SCTR: variants seen among roughly 807,000 people sequenced by gnomAD.
The protein encoded by SCTR is pancreatic secretin receptor.
In SCTR, 56 loss-of-function variants were observed where a neutral mutation model predicts 60.8. That is an observed-to-expected ratio of 0.92 (90% CI 0.74 to 1.15). The LOEUF is 1.15. SCTR is among the 50% of genes most tolerant of loss of function. SCTR has a pLI of 0.00. For missense variants in SCTR, 562 were observed against 550.4 expected (o/e 1.02, Z -0.21); for synonymous variants, 202 against 217.0 (o/e 0.93, Z 0.61).
chr2:119,464,153 TGAG>T lies in SCTR; in HGVS notation c.603_605del (p.Ser202del). 1 of 1,614,188 alleles carries T rather than the reference TGAG, an allele frequency of 6.2e-7. No individual in the cohort carries two copies. The highest frequency in any genetic ancestry group is 1.3e-5 in the African/African-American group (1 of 75,046). On this transcript the variant is annotated inframe_deletion, in exon 6 of 13. Coordinates refer to ENST00000019103, the MANE Select transcript of SCTR (RefSeq NM_002980.3). ...GGGCATCGCAGTAGGTGACATCATC[TGAG>T]GAGAAGAGCACGGCGTCCTTGATGA... is the stretch of plus-strand genomic sequence containing the variant.
At chr2:119,457,263 T>C (rs986336521) in intron 7 of SCTR, among the ~76,000 whole-genome samples, 1 of 151,676 alleles carries the variant, frequency 6.6e-6, no homozygotes, top group South Asian at 2.1e-4. Flanking sequence ...TCCAGGAAAA[T>C]AAAAAGTTAA....
rs147612264 is a variant in SCTR, at chr2:119,473,474, G to C, written c.384C>G (p.Asn128Lys). The C allele has an allele frequency of 1.2e-6, 2 of 1,613,046 alleles. No homozygotes were observed. Among genetic ancestry groups the C allele is most frequent in the Admixed American group, 1.7e-5 (1 of 59,986 alleles). The change falls in exon 4 of 13, where the codon AAC (asparagine) becomes AAG (lysine). Residue 128 changes from asparagine to lysine, a missense_variant. Transcript: ENST00000019103. Reference protein sequence around the residue: ...RPNLACGVNVNDSSNEKRHSY... With the variant: ...RPNLACGVNVKDSSNEKRHSY... ...TTACCCGCTTCTCGTTGGAAGAGTC[G>C]TTCACATTAACGCCACAGGCCAGAT...
At chr2:119,518,195 G>A (rs889985304) in intron 1 of SCTR, among the ~76,000 whole-genome samples, 2 of 152,170 alleles carry the variant, frequency 1.3e-5, no homozygotes, top group Non-Finnish European at 2.9e-5. Context: ...CAAGTCTGTG[G>A]TATTTTGTTA....
chr2:119,464,032 G>C lies in SCTR; in HGVS notation c.636+91C>G. 5 of 1,384,970 alleles carry C rather than the reference G, an allele frequency of 3.6e-6. No individual in the cohort carries two copies. In the Middle Eastern group the frequency reaches 7.3e-4, roughly 202 times the overall value. The allele number at this position is 1,384,970 out of a possible 1,614,324, so 85.8% of individuals were successfully genotyped here. ...AAGTGCAGCCTCAGCAGGGGCTTGG[G>C]GGAAGGACAACTAGGCTACTCCCCT... On this transcript the variant is annotated intron_variant, in intron 6 of 12. Coordinates refer to ENST00000019103, the MANE Select transcript of SCTR (RefSeq NM_002980.3).
rs767291199 is a variant in SCTR, at chr2:119,465,854, G to C, written c.438C>G (p.Tyr146Ter). Residue 146 changes from tyrosine (Y) to a stop codon, truncating the protein, a stop_gained, in exon 5 of 13, where the codon TAC becomes TAG. Transcript: ENST00000019103. LOFTEE classifies it high-confidence loss of function. ...CCAGGGAGGAGCTGTAGCCCACGGT[G>C]TACATGACTTTCAGCTTCAGCAGGT... Reference protein sequence around the residue: ...HSYLLKLKVMYTVGYSSSLVM... With the variant: ...HSYLLKLKVM The C allele has an allele frequency of 1.3e-5, 21 of 1,613,904 alleles. No homozygotes were observed. In the Admixed American group the frequency reaches 3.0e-4, roughly 23 times the overall value.
chr2:119,467,303 C>T (rs1010800363), intron 4 of SCTR, among the ~76,000 whole-genome samples: 1 of 151,394 alleles, frequency 6.6e-6, no homozygotes, highest in Admixed American at 6.6e-5. Flanking sequence ...CGCTTGAACC[C>T]GGGAGGTGGG....
At chr2:119,493,013 A>T (rs1364546760) in intron 2 of SCTR, among the ~76,000 whole-genome samples, 2 of 152,054 alleles carry the variant, frequency 1.3e-5, no homozygotes, top group Non-Finnish European at 1.5e-5. Context: ...GCCCACCACC[A>T]TGCTGGCTAA....
intron 10 of SCTR, among the ~76,000 whole-genome samples, chr2:119,447,300 T>G (rs1183570765): frequency 2.6e-5 from 4 of 152,184 alleles, no homozygotes; most frequent in Non-Finnish European, 4.4e-5. Flanking sequence ...AGATTAGGGT[T>G]GCCAAACTTA....
chr2:119,508,412 A>G, intron 1 of SCTR, among the ~76,000 whole-genome samples: 1 of 83,798 alleles, frequency 1.2e-5, no homozygotes, highest in Non-Finnish European at 2.2e-5. Flanking sequence ...TTTTTTTGGC[A>G]ATCTCGCTCT....
At chr2:119,517,547 G>A (rs1035328249) in intron 1 of SCTR, among the ~76,000 whole-genome samples, 14 of 152,200 alleles carry the variant, frequency 9.2e-5, no homozygotes, top group Non-Finnish European at 1.5e-4. Flanking sequence ...GGTTTCTGTG[G>A]GTGGAGCGTG....
At chr2:119,507,663 C>CTTTTTTTTTTTTTT (rs751779879) in intron 1 of SCTR, among the ~76,000 whole-genome samples, 6 of 114,784 alleles carry the variant, frequency 5.2e-5, no homozygotes, top group South Asian at 2.9e-4. Context: ...CTTTCTCGTT[C>CTTTTTTTTTTTTTT]TTTTTTTTTT....
At position 119,505,705 on chromosome 2, in the gene SCTR, G is replaced by T. The variant is rs1474854478; in HGVS notation, c.73-11157C>A. Among the ~76,000 whole-genome samples, 4 of 150,214 alleles carry T rather than the reference G, an allele frequency of 2.7e-5. No individual in the cohort carries two copies. In the East Asian group the frequency reaches 8.0e-4, roughly 30 times the overall value. On this transcript the variant is annotated intron_variant, in intron 1 of 12. Transcript: ENST00000019103. ...GGAACATCACACACCGGGGCCTGTTGTGGGGTGGCGGGAGGGGGGAGGGAT... is the reference window on the plus strand; with the variant it reads ...GGAACATCACACACCGGGGCCTGTTTTGGGGTGGCGGGAGGGGGGAGGGAT...
chr2:119,519,829 A>G (rs1305295427), intron 1 of SCTR, among the ~76,000 whole-genome samples: 1 of 52,710 alleles, frequency 1.9e-5, no homozygotes, highest in Non-Finnish European at 4.5e-5. Context: ...AAAAAAAAAG[A>G]AAAAAAGAAA....
intron 4 of SCTR, among the ~76,000 whole-genome samples, chr2:119,470,477 T>C (rs1240026354): frequency 6.6e-6 from 1 of 152,174 alleles, no homozygotes; most frequent in African/African-American, 2.4e-5. Context: ...TTGTTTTGTT[T>C]TGTTTTTTTA....
intron 1 of SCTR, among the ~76,000 whole-genome samples, chr2:119,523,529 T>A (rs1455811557): frequency 6.6e-6 from 1 of 151,578 alleles, no homozygotes; most frequent in Non-Finnish European, 1.5e-5. Context: ...GGGAGCCGCA[T>A]CCCACACGAG....
chr2:119,491,718 C>T (rs1255206784), intron 2 of SCTR, among the ~76,000 whole-genome samples: 1 of 152,094 alleles, frequency 6.6e-6, no homozygotes, highest in Non-Finnish European at 1.5e-5. Context: ...ACCTTGTTGG[C>T]CAGGCTGGTC....
At position 119,478,843 on chromosome 2, in the gene SCTR, G is replaced by A. The variant is rs1183160041; in HGVS notation, c.269C>T (p.Pro90Leu). The A allele has an allele frequency of 1.3e-5, 21 of 1,613,974 alleles. No homozygotes were observed. The East Asian group carries it at 1.6e-4, about 12-fold the overall frequency. The change falls in exon 3 of 13, where the codon CCG becomes CTG. Residue 90 changes from proline (P) to leucine (L), a missense_variant. Physicochemically the swap from Pro to Leu is moderately conservative, Grantham distance 98 (BLOSUM62 -3). Transcript: ENST00000019103. ...VPGRMVEVEC[P>L]RFLRMLTSRN... ...GCTGGTGAGCATCCGGAGGAATCTC[G>A]GGCATTCCACCTCCACCATCCGGCC... is the stretch of plus-strand genomic sequence containing the variant.
chr2:119,484,940 G>A (rs915946345), intron 2 of SCTR, among the ~76,000 whole-genome samples: 13 of 152,240 alleles, frequency 8.5e-5, no homozygotes, highest in African/African-American at 3.1e-4. Context: ...GCCCTGAGGA[G>A]GTGGGATGGC....
intron 9 of SCTR, among the ~76,000 whole-genome samples, chr2:119,451,180 G>T (rs1043097834): frequency 3.3e-5 from 5 of 152,208 alleles, no homozygotes; most frequent in Admixed American, 6.5e-5. Context: ...ACTTTCAACT[G>T]GTTCTGCAGC....
Sources: allele counts gnomAD v4.1 joint callset (sites outside exome capture counted in the v4.1 genomes callset), GRCh38; gene constraint gnomAD v4.1.1; transcripts MANE v1.5; gene names NCBI Gene and HGNC (gene_info 2026-07-23, HGNC 2026-07-21).